GRID2: variants seen among roughly 807,000 people sequenced by gnomAD.
GRID2 encodes glutamate receptor ionotropic, delta-2.
In GRID2, 33 loss-of-function variants were observed where a neutral mutation model predicts 114.8. The observed-to-expected ratio is 0.29, with a 90% CI of 0.22 to 0.38. The LOEUF is 0.38. Among genes scored for constraint, GRID2 ranks in the 10% least tolerant of loss-of-function variants. The probability of loss-of-function intolerance (pLI) is 1.00; values close to 1 mark genes in which losing one functional copy is unlikely to be tolerated. For missense variants in GRID2, 1,184 were observed against 1,257.7 expected, an observed-to-expected ratio of 0.94 and a Z score of 0.89; for synonymous variants, 505 against 449.9, an observed-to-expected ratio of 1.12 and a Z score of -1.55.
intron 4 of GRID2, among the ~76,000 whole-genome samples, chr4:93,168,107 A>C (rs1738429456): frequency 1.3e-5 from 2 of 152,076 alleles, no homozygotes; most frequent in South Asian, 4.1e-4. Flanking sequence ...AAGGCATAAG[A>C]ATCATTTGAA....
At chr4:92,960,805 G>T (rs1208605511) in intron 2 of GRID2, among the ~76,000 whole-genome samples, 1 of 151,534 alleles carries the variant, frequency 6.6e-6, no homozygotes, top group Non-Finnish European at 1.5e-5. Context: ...TGTGATCCTG[G>T]TTCCTTTTTT....
intron 1 of GRID2, among the ~76,000 whole-genome samples, chr4:92,460,135 T>C (rs1349795426): frequency 1.4e-5 from 2 of 147,114 alleles, no homozygotes; most frequent in Non-Finnish European, 3.0e-5. Context: ...CTGACCATCT[T>C]ATAATAATTT....
At chr4:93,256,866 G>T (rs1313835345) in intron 8 of GRID2, among the ~76,000 whole-genome samples, 2 of 151,850 alleles carry the variant, frequency 1.3e-5, no homozygotes, top group Non-Finnish European at 2.9e-5. Flanking sequence ...ATTTGAAACT[G>T]CTTGGGTCTT....
intron 2 of GRID2, among the ~76,000 whole-genome samples, chr4:92,969,785 G>A (rs915009109): frequency 2.0e-5 from 3 of 151,710 alleles, no homozygotes; most frequent in Non-Finnish European, 4.4e-5. Context: ...ACTATTCCTA[G>A]TACCAATAGA....
At chr4:93,583,311 A>G (rs1333172893) in intron 13 of GRID2, among the ~76,000 whole-genome samples, 60 of 152,190 alleles carry the variant, frequency 3.9e-4, no homozygotes, top group Admixed American at 3.9e-3. Flanking sequence ...ATTATTCTTT[A>G]TAATTAACTT....
At chr4:92,421,800 T>C (rs2110325349) in intron 1 of GRID2, among the ~76,000 whole-genome samples, 1 of 152,212 alleles carries the variant, frequency 6.6e-6, no homozygotes, top group Non-Finnish European at 1.5e-5. Flanking sequence ...TCCAGAACTA[T>C]ACAAAGAAAA....
At chr4:93,280,711 G>T (rs887546001) in intron 8 of GRID2, among the ~76,000 whole-genome samples, 12 of 151,926 alleles carry the variant, frequency 7.9e-5, no homozygotes, top group African/African-American at 1.2e-4. Flanking sequence ...AACAGATTAT[G>T]TAACAGTCAA....
chr4:92,728,606 T>TCA (rs1185790604), intron 2 of GRID2, among the ~76,000 whole-genome samples: 32 of 152,004 alleles, frequency 2.1e-4, no homozygotes, highest in African/African-American at 7.0e-4. Context: ...AAACTACTCT[T>TCA]GGAAGTAACA....
chr4:92,877,587 C>A (rs1745724271), intron 2 of GRID2, among the ~76,000 whole-genome samples: 1 of 152,182 alleles, frequency 6.6e-6, no homozygotes, highest in Admixed American at 6.5e-5. Context: ...AGGTCAGCAT[C>A]AGCCCAAATA....
chr4:93,158,054 C>T (rs1038073497), intron 4 of GRID2, among the ~76,000 whole-genome samples: 3 of 151,814 alleles, frequency 2.0e-5, no homozygotes, highest in Non-Finnish European at 4.4e-5. Flanking sequence ...GCAAACTAGT[C>T]ATCCTCTATT....
chr4:93,079,624 A>G (rs1729670316), intron 2 of GRID2, among the ~76,000 whole-genome samples: 1 of 152,058 alleles, frequency 6.6e-6, no homozygotes, highest in African/African-American at 2.4e-5. Context: ...AATGCATTTA[A>G]TGTCACTGAG....
chr4:92,501,803 A>C (rs370905834), intron 1 of GRID2, among the ~76,000 whole-genome samples: 36 of 152,278 alleles, frequency 2.4e-4, no homozygotes, highest in African/African-American at 8.7e-4. Flanking sequence ...TGCACTTTTA[A>C]AATTATATTC....
rs571114566 is a variant in GRID2 at position 92,390,280 on chromosome 4, A to G, written c.88+85536A>G. 3.9e-5 allele frequency among the ~76,000 whole-genome samples: 6 copies of G among 152,324 alleles called. No individual in the cohort carries two copies. In the East Asian group the frequency reaches 1.2e-3, roughly 29 times the overall value. On this transcript the variant is annotated intron_variant, in intron 1 of 15. Coordinates refer to ENST00000282020, the MANE Select transcript of GRID2 (RefSeq NM_001510.4). ...GTGAATAGAAATGACTATAAATAGT[A>G]TAATGACAAATAAAATTAATTGAAA...
intron 1 of GRID2, among the ~76,000 whole-genome samples, chr4:92,447,979 A>G (rs1733558499): frequency 6.6e-6 from 1 of 152,198 alleles, no homozygotes; most frequent in Non-Finnish European, 1.5e-5. Context: ...CAAATAAACA[A>G]AAACAAACAT....
intron 2 of GRID2, among the ~76,000 whole-genome samples, chr4:92,729,106 C>T (rs1488171660): frequency 6.6e-6 from 1 of 151,966 alleles, no homozygotes; most frequent in Admixed American, 6.6e-5. Flanking sequence ...TATTATTCAC[C>T]TAGAGTTATT....
intron 1 of GRID2, among the ~76,000 whole-genome samples, chr4:92,487,339 G>C (rs1454612919): frequency 6.6e-6 from 1 of 151,510 alleles, no homozygotes; most frequent in Admixed American, 6.6e-5. Flanking sequence ...TTACTTTTAT[G>C]TTTACCATCT....
chr4:93,322,367 G>T (rs1457055235), intron 8 of GRID2, among the ~76,000 whole-genome samples: 2 of 152,050 alleles, frequency 1.3e-5, no homozygotes, highest in Non-Finnish European at 2.9e-5. Context: ...CCTTACAAAG[G>T]ACATGAACTC....
At chr4:93,679,472 T>C (rs1206797553) in intron 14 of GRID2, among the ~76,000 whole-genome samples, 2 of 150,660 alleles carry the variant, frequency 1.3e-5, no homozygotes, top group Non-Finnish European at 2.9e-5. Flanking sequence ...CAACAGAATA[T>C]ACATTTTTTT....
intron 13 of GRID2, among the ~76,000 whole-genome samples, chr4:93,572,951 A>C (rs1736068778): frequency 6.6e-6 from 1 of 152,126 alleles, no homozygotes; most frequent in Non-Finnish European, 1.5e-5. Context: ...TTTAACTGCG[A>C]AATATATAAG....
Sources: gnomAD v4.1 joint callset for allele counts (sites outside exome capture counted in the v4.1 genomes callset) on GRCh38, gnomAD v4.1.1 for gene constraint, MANE v1.5 for transcripts, NCBI Gene and HGNC (gene_info 2026-07-23, HGNC 2026-07-21) for gene names.